ATOSA: variants seen among roughly 807,000 people sequenced by gnomAD.
ATOSA encodes atos homolog protein A.
the ATOSA span, among the ~76,000 whole-genome samples, chr15:52,692,137 A>C: frequency 7.9e-5 from 12 of 152,220 alleles, no homozygotes; most frequent in Non-Finnish European, 1.8e-4. Flanking sequence ...AAAAATTCCA[A>C]ATATTAGCGC....
the ATOSA span, among the ~76,000 whole-genome samples, chr15:52,694,167 TA>T: frequency 8.4e-5 from 9 of 107,556 alleles, no homozygotes; most frequent in East Asian, 4.4e-4. Context: ...GATATATATA[TA>T]TTTTTTTTTT....
At chr15:52,699,890 G>T in the ATOSA span, among the ~76,000 whole-genome samples, 3 of 152,108 alleles carry the variant, frequency 2.0e-5, no homozygotes, top group African/African-American at 7.2e-5. Flanking sequence ...TCTTGCCTTT[G>T]TTTCTTAGAA....
chr15:52,639,799 G>A, the ATOSA span, among the ~76,000 whole-genome samples: 1 of 152,118 alleles, frequency 6.6e-6, no homozygotes, highest in African/African-American at 2.4e-5. Context: ...GGCCCAGGCT[G>A]GAGTGCAATG....
the ATOSA span, among the ~76,000 whole-genome samples, chr15:52,608,229 T>TG: frequency 6.6e-6 from 1 of 152,130 alleles, no homozygotes; most frequent in African/African-American, 2.4e-5. Flanking sequence ...GCCTTTAAGA[T>TG]GGGGGAGCAG....
the ATOSA span, among the ~76,000 whole-genome samples, chr15:52,691,821 C>G: frequency 5.0e-4 from 75 of 150,888 alleles, 3 homozygotes; most frequent in South Asian, 0.016. Flanking sequence ...GGAGACAGAG[C>G]AAGACCTGTG....
At chr15:52,630,396 G>T in the ATOSA span, among the ~76,000 whole-genome samples, 1 of 151,980 alleles carries the variant, frequency 6.6e-6, no homozygotes, top group Admixed American at 6.6e-5. Context: ...GCTGACAAAA[G>T]ATGAATATCT....
At chr15:52,675,168 A>AGTACAGTAAAATACTATC in the ATOSA span, among the ~76,000 whole-genome samples, 7 of 152,230 alleles carry the variant, frequency 4.6e-5, no homozygotes, top group Non-Finnish European at 8.8e-5. Flanking sequence ...TTTTTTTTAC[A>AGTACAGTAAAATACTATC]GTACAGTAAA....
chr15:52,609,088 G>A, the ATOSA span: 3 of 1,613,284 alleles, frequency 1.9e-6, no homozygotes, highest in African/African-American at 1.3e-5. Flanking sequence ...TGAGGAAGTT[G>A]ATAAACTAGA....
At chr15:52,605,999 T>C in the ATOSA span, among the ~76,000 whole-genome samples, 2,685 of 152,210 alleles carry the variant, frequency 0.018, 84 homozygotes, top group African/African-American at 0.062. Context: ...TAATAAAAGT[T>C]ATGTGAATGT....
chr15:52,681,025 A>G, the ATOSA span, among the ~76,000 whole-genome samples: 5 of 152,350 alleles, frequency 3.3e-5, no homozygotes, highest in Non-Finnish European at 5.9e-5. Flanking sequence ...TTCTTCCTCT[A>G]TCTAATGCAA....
chr15:52,631,495 T>C, the ATOSA span, among the ~76,000 whole-genome samples: 1 of 152,186 alleles, frequency 6.6e-6, no homozygotes, highest in Non-Finnish European at 1.5e-5. Context: ...ATATTCAACT[T>C]ACAATATTGT....
the ATOSA span, chr15:52,609,563 T>C: frequency 6.2e-7 from 1 of 1,612,884 alleles, no homozygotes; most frequent in Non-Finnish European, 8.5e-7. Flanking sequence ...CTTCGAGGAG[T>C]TTCTGGTTTT....
At chr15:52,688,950 T>G in the ATOSA span, among the ~76,000 whole-genome samples, 2 of 152,250 alleles carry the variant, frequency 1.3e-5, no homozygotes. Flanking sequence ...GAACTCACTG[T>G]GTATTCAGAA....
At chr15:52,700,091 AC>A in the ATOSA span, among the ~76,000 whole-genome samples, 2 of 152,220 alleles carry the variant, frequency 1.3e-5, no homozygotes, top group African/African-American at 2.4e-5. Context: ...GAAAAGATTG[AC>A]CATCAGTGGA....
chr15:52,662,781 A>G, the ATOSA span, among the ~76,000 whole-genome samples: 1 of 151,974 alleles, frequency 6.6e-6, no homozygotes, highest in Non-Finnish European at 1.5e-5. Context: ...AAAAAAAAAA[A>G]AAAAAAGACA....
chr15:52,660,683 C>T, the ATOSA span, among the ~76,000 whole-genome samples: 2 of 152,074 alleles, frequency 1.3e-5, no homozygotes, highest in Non-Finnish European at 2.9e-5. Context: ...CAGAGTTTCG[C>T]TTTTTTTGCC....
chr15:52,694,299 T>G, the ATOSA span, among the ~76,000 whole-genome samples: 1 of 152,094 alleles, frequency 6.6e-6, no homozygotes, highest in Admixed American at 6.6e-5. Context: ...CCCAAGTAGC[T>G]GGGATTACAG....
the ATOSA span, among the ~76,000 whole-genome samples, chr15:52,607,537 G>A: frequency 6.6e-5 from 10 of 152,170 alleles, no homozygotes; most frequent in Admixed American, 2.0e-4. Flanking sequence ...GGGTGGGGGC[G>A]CCAGTTGAAT....
At chr15:52,627,950 C>T in the ATOSA span, among the ~76,000 whole-genome samples, 1 of 152,140 alleles carries the variant, frequency 6.6e-6, no homozygotes, top group Non-Finnish European at 1.5e-5. Context: ...TTTCATCACA[C>T]TAAATCTCAC....
Sources: gnomAD v4.1 joint callset for allele counts (sites outside exome capture counted in the v4.1 genomes callset) on GRCh38, gnomAD v4.1.1 for gene constraint, MANE v1.5 for transcripts, NCBI Gene and HGNC (gene_info 2026-07-23, HGNC 2026-07-21) for gene names.